Variants in TEK observed in about 807,000 individuals in gnomAD.
TEK encodes the protein TEK receptor tyrosine kinase.
A neutral mutation model predicts 131.8 loss-of-function variants in TEK; 43 were observed. The observed-to-expected ratio is 0.33, with a 90% CI of 0.26 to 0.42. The LOEUF (loss-of-function observed/expected upper bound fraction) is 0.42, where lower values mean the gene tolerates loss of function less well. Among genes scored for constraint, TEK ranks in the 10% least tolerant of loss-of-function variants. TEK has a pLI of 1.00. For missense variants in TEK, 1,162 were observed against 1,384.4 expected, an observed-to-expected ratio of 0.84 and a Z score of 2.55; for synonymous variants, 580 against 491.6, an observed-to-expected ratio of 1.18 and a Z score of -2.38.
intron 1 of TEK, among the ~76,000 whole-genome samples, chr9:27,154,719 C>T (rs926739082): frequency 6.6e-6 from 1 of 152,264 alleles, no homozygotes; most frequent in African/African-American, 2.4e-5. Flanking sequence ...CATAGAAGAT[C>T]CTTCTGGTAC....
chr9:27,109,924 C>G (rs1418630966), intron 1 of TEK, among the ~76,000 whole-genome samples: 1 of 152,154 alleles, frequency 6.6e-6, no homozygotes, highest in Non-Finnish European at 1.5e-5. Flanking sequence ...GATCCCCTTA[C>G]TATCATGCAT....
chr9:27,176,474 G>T (rs763563645), intron 6 of TEK, among the ~76,000 whole-genome samples: 3 of 152,150 alleles, frequency 2.0e-5, no homozygotes, highest in Non-Finnish European at 4.4e-5. Flanking sequence ...TTTCCTTTAT[G>T]CTTATTAATA....
At chr9:27,119,234 G>A (rs981855832) in intron 1 of TEK, among the ~76,000 whole-genome samples, 1 of 151,998 alleles carries the variant, frequency 6.6e-6, no homozygotes, top group Non-Finnish European at 1.5e-5. Flanking sequence ...TGCTGCCTTC[G>A]AACTAGTGTT....
chr9:27,219,980 G>C (rs1006516263), intron 20 of TEK, 69 bp from the exon 21 acceptor site: 1 of 1,531,240 alleles, frequency 6.5e-7, no homozygotes, highest in African/African-American at 1.4e-5. Flanking sequence ...CTTATATTTA[G>C]AAACCCTGGA....
chr9:27,220,252 CCTACACACAGAGAT>C, intron 21 of TEK, 107 bp downstream of exon 21: 1 of 962,286 alleles, frequency 1.0e-6, no homozygotes, highest in Non-Finnish European at 1.6e-6. Context: ...TACACAAACA[CCTACACACAGAGAT>C]CCCAAATAGG....
intron 1 of TEK, among the ~76,000 whole-genome samples, chr9:27,151,162 A>G (rs1823114077): frequency 6.6e-6 from 1 of 152,146 alleles, no homozygotes; most frequent in African/African-American, 2.4e-5. Context: ...ATCTTCTTGG[A>G]AGGAATCTTG....
At chr9:27,197,219 CTG>C (rs1235054712) in intron 11 of TEK, 94 bp from the exon 12 acceptor site, 20 of 1,382,984 alleles carry the variant, frequency 1.4e-5, no homozygotes, top group African/African-American at 1.4e-5. Flanking sequence ...ACCTCCAACA[CTG>C]GGGATTACAT....
At chr9:27,137,351 C>A (rs938081439) in intron 1 of TEK, among the ~76,000 whole-genome samples, 11 of 152,102 alleles carry the variant, frequency 7.2e-5, no homozygotes, top group African/African-American at 2.2e-4. Flanking sequence ...TAATAAGTCG[C>A]TGAAATAATT....
chr9:27,207,866 A>G (rs1380961571), intron 15 of TEK, among the ~76,000 whole-genome samples: 1 of 152,208 alleles, frequency 6.6e-6, no homozygotes, highest in African/African-American at 2.4e-5. Flanking sequence ...CTATGATTAG[A>G]AACAGCAATA....
chr9:27,119,609 CGGGTGGAGAGT>C (rs1821702989), intron 1 of TEK, among the ~76,000 whole-genome samples: 2 of 15,024 alleles, frequency 1.3e-4, no homozygotes, highest in African/African-American at 4.9e-4. Flanking sequence ...TGTGGAGAGT[CGGGTGGAGAGT>C]CGGGTGGGGA....
intron 20 of TEK, 22 bp from the exon 21 acceptor site, chr9:27,220,027 A>C (rs760434910): frequency 2.2e-5 from 36 of 1,611,930 alleles, no homozygotes; most frequent in Non-Finnish European, 2.9e-5. Context: ...GAGGACTTAG[A>C]GTGGCACTGT....
chr9:27,122,094 C>T (rs750467402), intron 1 of TEK, among the ~76,000 whole-genome samples: 4 of 152,168 alleles, frequency 2.6e-5, no homozygotes, highest in Admixed American at 6.5e-5. Context: ...AGGCAATGCC[C>T]GTCAGTAGAG....
At chr9:27,155,481 CTT>C (rs916714459) in intron 1 of TEK, among the ~76,000 whole-genome samples, 1 of 152,172 alleles carries the variant, frequency 6.6e-6, no homozygotes, top group African/African-American at 2.4e-5. Flanking sequence ...GAAGACTTGA[CTT>C]TGAAATTTTT....
intron 1 of TEK, among the ~76,000 whole-genome samples, chr9:27,128,601 A>G (rs907252123): frequency 2.6e-5 from 4 of 152,148 alleles, no homozygotes; most frequent in African/African-American, 2.4e-5. Context: ...GATTCTTCCT[A>G]TCCATGAGCA....
Position 27,183,550 on chromosome 9 carries a change from C to T in TEK, c.1122C>T (p.Gly374=), listed in dbSNP as rs765409556. 212 of 1,613,806 alleles carry T rather than the reference C, an allele frequency of 1.3e-4. No homozygotes were observed. Among genetic ancestry groups the T allele is most frequent in the Non-Finnish European group, 1.7e-4 (198 of 1,179,860 alleles). ...GKFNPICKAS[G]WPLPTNEEMT... is the part of the protein sequence containing the mutation. ...TTAATCCCATTTGCAAAGCTTCTGG[C>T]TGGCCGCTACCTACTAATGAAGAAA... Residue 374 remains glycine, a synonymous_variant, in exon 8 of 23, where the codon GGC becomes GGT. Transcript: ENST00000380036.
chr9:27,209,203 C>A lies in TEK; in HGVS notation c.2658C>A (p.Ile886=). 1 of 1,613,840 alleles carries A rather than the reference C, an allele frequency of 6.2e-7. No homozygotes were observed. The highest frequency in any genetic ancestry group is 1.1e-5 in the South Asian group (1 of 91,082). Residue 886 remains isoleucine, a synonymous_variant, in exon 16 of 23, where the codon ATC becomes ATA. Transcript: ENST00000380036. ...LCKLGHHPNI[I]NLLGACEHRG... ...AACTTGGACACCATCCAAACATCAT[C>A]AATCTCTTAGGAGCATGTGAACATC...
chr9:27,147,283 A>G (rs1014674057), intron 1 of TEK, among the ~76,000 whole-genome samples: 5 of 151,402 alleles, frequency 3.3e-5, no homozygotes, highest in African/African-American at 1.2e-4. Context: ...ATCTGTTCTA[A>G]TAGGTTTGTA....
chr9:27,148,063 T>C (rs62544603), intron 1 of TEK, among the ~76,000 whole-genome samples: 19,007 of 152,276 alleles, frequency 0.12, 1,511 homozygotes, highest in Middle Eastern at 0.26. Context: ...AGTTATTATG[T>C]GTTGACACAC....
intron 14 of TEK, among the ~76,000 whole-genome samples, chr9:27,205,538 G>A (rs1245286005): frequency 2.0e-5 from 3 of 151,928 alleles, no homozygotes; most frequent in African/African-American, 4.8e-5. Flanking sequence ...ATCACCCCTC[G>A]TATGTGTAAG....
Sources: gnomAD v4.1 joint callset for allele counts (sites outside exome capture counted in the v4.1 genomes callset) on GRCh38, gnomAD v4.1.1 for gene constraint, MANE v1.5 for transcripts, NCBI Gene and HGNC (gene_info 2026-07-23, HGNC 2026-07-21) for gene names.